LRGUK: variants seen among roughly 807,000 people sequenced by gnomAD.
The protein encoded by LRGUK is leucine-rich repeat and guanylate kinase domain-containing protein.
LRGUK carries 65 observed loss-of-function variants against 76.0 expected under a neutral mutation model. The ratio of observed to expected loss-of-function variants is 0.85; its 90% CI spans 0.70 to 1.05. LRGUK has a LOEUF of 1.05. Among genes scored for constraint, LRGUK ranks in the 50% least tolerant of loss-of-function variants. LRGUK has a pLI of 0.00. For missense variants in LRGUK, 758 were observed against 732.8 expected, an observed-to-expected ratio of 1.03 and a Z score of -0.40; for synonymous variants, 268 against 265.6, an observed-to-expected ratio of 1.01 and a Z score of -0.09.
In LRGUK at chr7:134,172,184, T is replaced by C. The variant is rs576035330; in HGVS notation, c.940-2372T>C. Among the ~76,000 whole-genome samples, 33 of 152,346 alleles carry C rather than the reference T, an allele frequency of 2.2e-4. 1 individual carries two copies. Among genetic ancestry groups the C allele is most frequent in the African/African-American group, 7.7e-4 (32 of 41,580 alleles). On this transcript the variant is annotated intron_variant, in intron 7 of 15. Coordinates refer to ENST00000645682, the Ensembl canonical transcript of LRGUK. Reference sequence around the variant, plus strand: ...ATATCACTATCTTCTAAAATGAGCATGTAGTGTTCCTACTATAGGACTGTA... The same window carrying C: ...ATATCACTATCTTCTAAAATGAGCACGTAGTGTTCCTACTATAGGACTGTA...
chr7:134,230,858 A>C, intron 16 of LRGUK, among the ~76,000 whole-genome samples: 1 of 152,246 alleles, frequency 6.6e-6, no homozygotes, highest in Non-Finnish European at 1.5e-5. Flanking sequence ...TGTAAAAGTC[A>C]GGAGAGTGCT....
rs558394065 is a variant in LRGUK, at chr7:134,222,615, G to GT, written c.1983+708dup. 8.2e-3 allele frequency among the ~76,000 whole-genome samples: 1,180 copies of GT among 144,734 alleles called. 9 individuals carry two copies. The highest frequency in any genetic ancestry group is 0.029 in the Middle Eastern group (8 of 274). 95.0% of individuals were successfully genotyped at this position (144,734 alleles called of 152,430 possible). The stretch of plus-strand genomic sequence containing the variant: ...GTTTGTTTTGTTTTGTTTTTGTTTT[G>GT]TTTTTTTTTTTGAGACGGAGTTTTG... On this transcript the variant is annotated intron_variant, in intron 16 of 19. Coordinates refer to the LRGUK transcript ENST00000285928.
intron 11 of LRGUK, 149 bp from the exon 12 acceptor site, chr7:134,191,506 C>T (rs550071764): frequency 7.9e-6 from 5 of 633,522 alleles, no homozygotes; most frequent in Non-Finnish European, 8.1e-6. Context: ...TTTAGCACTT[C>T]GAAACCAACA....
At chr7:134,152,387 TATATCCC>T (rs1173699888) in intron 5 of LRGUK, among the ~76,000 whole-genome samples, 1 of 151,892 alleles carries the variant, frequency 6.6e-6, no homozygotes, top group Non-Finnish European at 1.5e-5. Flanking sequence ...TAAAGAGAAA[TATATCCC>T]ATGTCCCTGG....
At chr7:134,192,604 C>T (rs1164100769) in intron 12 of LRGUK, among the ~76,000 whole-genome samples, 2 of 152,174 alleles carry the variant, frequency 1.3e-5, no homozygotes, top group Non-Finnish European at 2.9e-5. Context: ...AGGGAACCCT[C>T]ATAATCCTCG....
At chr7:134,209,751 T>G (rs537979785) in exon 16 of LRGUK, 1 of 399,858 alleles carries the variant, frequency 2.5e-6, no homozygotes, top group Admixed American at 4.4e-5. Flanking sequence ...CCACCAAATC[T>G]GAGCCCCCAG....
At chr7:134,189,256 G>A (rs1364224664) in intron 11 of LRGUK, among the ~76,000 whole-genome samples, 1 of 152,172 alleles carries the variant, frequency 6.6e-6, no homozygotes, top group Non-Finnish European at 1.5e-5. Context: ...GAAAGATTTA[G>A]ACAAGGGAAA....
At chr7:134,156,472 T>TA (rs1324310508) in intron 5 of LRGUK, among the ~76,000 whole-genome samples, 5 of 152,220 alleles carry the variant, frequency 3.3e-5, no homozygotes, top group South Asian at 4.2e-4. Context: ...ATGTGAGTGT[T>TA]AAAAAAATAA....
intron 16 of LRGUK, among the ~76,000 whole-genome samples, chr7:134,234,769 C>G: frequency 6.6e-6 from 1 of 151,866 alleles, no homozygotes; most frequent in East Asian, 1.9e-4. Context: ...CTTCCCTTCT[C>G]TCCTTTTTCC....
intron 16 of LRGUK, among the ~76,000 whole-genome samples, chr7:134,224,524 C>T (rs1196587122): frequency 6.6e-6 from 1 of 152,018 alleles, no homozygotes; most frequent in Non-Finnish European, 1.5e-5. Context: ...AAGGGAACAA[C>T]ACACACTGGG....
chr7:134,132,442 G>A (rs1027248527), intron 1 of LRGUK, among the ~76,000 whole-genome samples: 3 of 152,192 alleles, frequency 2.0e-5, no homozygotes, highest in Admixed American at 1.3e-4. Context: ...CATTCATTTT[G>A]CCTGTTTGAG....
the LRGUK span, among the ~76,000 whole-genome samples, chr7:134,275,312 C>A: frequency 6.6e-6 from 1 of 152,006 alleles, no homozygotes; most frequent in African/African-American, 2.4e-5. Context: ...TGTTTACTAC[C>A]AATTGTTTTA....
rs186036315 is a variant in LRGUK at position 134,241,301 on chromosome 7, G to A, written c.1984-6255G>A. 1.1e-4 allele frequency among the ~76,000 whole-genome samples: 16 copies of A among 152,186 alleles called. No homozygotes were observed. In the East Asian group the frequency reaches 3.1e-3, roughly 29 times the overall value. On this transcript the variant is annotated intron_variant, in intron 16 of 19. Transcript: ENST00000285928. ...AGACCCATCCGTGTGCTGTATTCAG[G>A]AGACCCATCTCACGTGCAGAGACAC...
intron 12 of LRGUK, among the ~76,000 whole-genome samples, chr7:134,195,181 A>G (rs1486379889): frequency 6.6e-6 from 1 of 152,132 alleles, no homozygotes; most frequent in Non-Finnish European, 1.5e-5. Flanking sequence ...AGGGTCTACA[A>G]AATATCTCAA....
At chr7:134,193,415 C>T (rs895424980) in intron 12 of LRGUK, among the ~76,000 whole-genome samples, 2 of 152,118 alleles carry the variant, frequency 1.3e-5, no homozygotes, top group Non-Finnish European at 2.9e-5. Flanking sequence ...GTCAGTTCAT[C>T]TGTTCTCAGT....
chr7:134,208,077 T>C (rs1801081441), intron 15 of LRGUK, among the ~76,000 whole-genome samples: 1 of 152,024 alleles, frequency 6.6e-6, no homozygotes, highest in Non-Finnish European at 1.5e-5. Context: ...GGGATGTGAG[T>C]GCGGGAATAG....
intron 19 of LRGUK, among the ~76,000 whole-genome samples, chr7:134,259,484 C>T (rs905620523): frequency 1.3e-5 from 2 of 152,152 alleles, no homozygotes; most frequent in African/African-American, 4.8e-5. Context: ...CCTGCTTGCT[C>T]AGGTGACCGG....
At chr7:134,268,930 A>G (rs1802911308), downstream of LRGUK, among the ~76,000 whole-genome samples, 1 of 151,480 alleles carries the variant, frequency 6.6e-6, no homozygotes, top group African/African-American at 2.4e-5. Flanking sequence ...ACAGGGTTTC[A>G]CCGTGTTAGC....
chr7:134,243,341 G>A (rs141454932), intron 16 of LRGUK, among the ~76,000 whole-genome samples: 3 of 152,312 alleles, frequency 2.0e-5, no homozygotes, highest in East Asian at 3.9e-4. Context: ...AAGCTGATGA[G>A]CAGCTTCAGC....
Sources: gnomAD v4.1 joint callset for allele counts (sites outside exome capture counted in the v4.1 genomes callset) on GRCh38, gnomAD v4.1.1 for gene constraint, MANE v1.5 for transcripts, NCBI Gene and HGNC (gene_info 2026-07-23, HGNC 2026-07-21) for gene names.